Variants in HEATR4 observed in about 807,000 individuals in gnomAD.
The protein encoded by HEATR4 is HEAT repeat containing 4.
A neutral mutation model predicts 108.8 loss-of-function variants in HEATR4; 95 were observed. The ratio of observed to expected loss-of-function variants is 0.87; its 90% CI spans 0.74 to 1.04. The LOEUF is 1.04. Among genes scored for constraint, HEATR4 ranks in the 50% least tolerant of loss-of-function variants. The probability of loss-of-function intolerance (pLI) is 0.00; values close to 1 mark genes in which losing one functional copy is unlikely to be tolerated. For missense variants in HEATR4, 1,152 were observed against 1,253.8 expected (o/e 0.92, Z 1.23); for synonymous variants, 443 against 459.4 (o/e 0.96, Z 0.46).
chr14:73,514,092 C>G lies in HEATR4; in HGVS notation c.1353G>C (p.Val451=), dbSNP rs1887439062. The change falls in exon 6 of 18, where the codon GTG becomes GTC. Residue 451 remains valine (V), a synonymous_variant. Transcript: ENST00000553558. ...KKQAKSLQED[V]TWELVVLRRM... is the part of the protein sequence containing the mutation. ...TCCGCAGGACCACCAGTTCCCAGGT[C>G]ACATCCTCCTGCAGTGATTTTGCCT... 3 of 1,614,100 alleles carry G rather than the reference C, an allele frequency of 1.9e-6. No homozygotes were observed. The highest frequency in any genetic ancestry group is 2.5e-6 in the Non-Finnish European group (3 of 1,180,056).
intron 17 of HEATR4, among the ~76,000 whole-genome samples, chr14:73,486,880 A>C (rs1473419410): frequency 6.6e-6 from 1 of 152,174 alleles, no homozygotes; most frequent in African/African-American, 2.4e-5. Context: ...GCTTTAAATC[A>C]TACTATGTAC....
rs1341198982 is a variant in HEATR4 at position 73,509,810 on chromosome 14, CCATATATATATATATATA to C, written c.1559-355_1559-338del. On this transcript the variant is annotated intron_variant, in intron 7 of 17. Transcript: ENST00000553558. The stretch of plus-strand genomic sequence containing the variant: ...AAAGCAACCAATTTGCCCCATGAGC[CCATATATATATATATATA>C]TATATATATATATATATATATATAT... Among the ~76,000 whole-genome samples the C allele has an allele frequency of 7.7e-3, 487 of 63,182 alleles. 65 individuals are homozygous for C. Among genetic ancestry groups the C allele is most frequent in the African/African-American group, 0.019 (328 of 17,678 alleles). 41.4% of individuals were successfully genotyped at this position (63,182 alleles called of 152,430 possible). A position where few individuals can be genotyped will look rare whatever the true frequency, so the allele number is the denominator to read the frequency against.
chr14:73,591,219 C>T, the HEATR4 span, among the ~76,000 whole-genome samples: 2 of 149,116 alleles, frequency 1.3e-5, no homozygotes, highest in Non-Finnish European at 3.0e-5. Context: ...CGCCTTGCAG[C>T]CTGGATGACA....
the HEATR4 span, among the ~76,000 whole-genome samples, chr14:73,609,184 A>G: frequency 1.3e-5 from 2 of 152,250 alleles, no homozygotes; most frequent in Non-Finnish European, 2.9e-5. Context: ...TATGCCATCA[A>G]TGAGAATTGG....
the HEATR4 span, among the ~76,000 whole-genome samples, chr14:73,579,292 A>C: frequency 1.5e-4 from 14 of 95,742 alleles, no homozygotes; most frequent in African/African-American, 5.3e-4. Context: ...AAAAAAAAAA[A>C]AACGCTGGGT....
At chr14:73,586,796 CA>C in the HEATR4 span, among the ~76,000 whole-genome samples, 1 of 151,948 alleles carries the variant, frequency 6.6e-6, no homozygotes, top group African/African-American at 2.4e-5. Flanking sequence ...ACTGCAGCCT[CA>C]AATTTCTGGG....
rs1196755578 is a variant in HEATR4, at chr14:73,551,937, G to T, written c.-152+6814C>A. 2.0e-4 allele frequency among the ~76,000 whole-genome samples: 23 copies of T among 112,380 alleles called. 3 individuals carry two copies. The highest frequency in any genetic ancestry group is 3.9e-4 in the Non-Finnish European group (20 of 51,686). 73.7% of individuals were successfully genotyped at this position (112,380 alleles called of 152,430 possible). A position where few individuals can be genotyped will look rare whatever the true frequency, so the allele number is the denominator to read the frequency against. On this transcript the variant is annotated intron_variant, in intron 1 of 17. Transcript: ENST00000553558. The stretch of plus-strand genomic sequence containing the variant: ...ACACACACTGTGCATGCTCACTTCC[G>T]AAAGGTAAAGAGAGCACAGAGCATG...
chr14:73,592,508 G>A, the HEATR4 span: 1 of 1,371,628 alleles, frequency 7.3e-7, no homozygotes, highest in Non-Finnish European at 9.6e-7. Context: ...TGGTTTTGGA[G>A]CAAGATCAGA....
At chr14:73,619,954 T>G in the HEATR4 span, 1 of 1,196,714 alleles carries the variant, frequency 8.4e-7, no homozygotes, top group Admixed American at 3.0e-5. Context: ...CTCTGTCACA[T>G]AGGCTGGAGT....
chr14:73,498,936 C>A, intron 13 of HEATR4, 135 bp downstream of exon 13: 2 of 748,226 alleles, frequency 2.7e-6, no homozygotes, highest in Non-Finnish European at 4.6e-6. Context: ...TCTTTTCAGA[C>A]AAGGAACTTC....
chr14:73,587,895 A>T, the HEATR4 span, among the ~76,000 whole-genome samples: 1 of 152,232 alleles, frequency 6.6e-6, no homozygotes, highest in Non-Finnish European at 1.5e-5. Flanking sequence ...AATTGTGTTC[A>T]AATCTAAATA....
chr14:73,631,621 C>T, the HEATR4 span: 4,135 of 163,020 alleles, frequency 0.025, 201 homozygotes, highest in African/African-American at 0.095. Context: ...AAGAACGGGT[C>T]GCTGCCACCA....
At chr14:73,513,728 CAAAAAAAAAAAAAAAA>C (rs747778891) in intron 6 of HEATR4, among the ~76,000 whole-genome samples, 491 of 46,794 alleles carry the variant, frequency 0.01, 12 homozygotes, top group Middle Eastern at 0.045. Flanking sequence ...ACTACGTCTC[CAAAAAAAAAAAAAAAA>C]AAAAAAAAAA....
At chr14:73,569,712 C>A in the HEATR4 span, 5 of 1,609,092 alleles carry the variant, frequency 3.1e-6, no homozygotes, top group Non-Finnish European at 3.4e-6. Context: ...GCTGGTGAAG[C>A]GCGACGTGCG....
Position 73,543,036 on chromosome 14 carries a change from T to C in HEATR4, c.-151-12792A>G, listed in dbSNP as rs753177648. ...GGAGCCATTCTTCTTCTTTTTCCTT[T>C]GTCCCTTTCTCAGGTAAAAGGTCCA... On this transcript the variant is annotated intron_variant, in intron 1 of 17. Coordinates refer to ENST00000553558, the MANE Select transcript of HEATR4 (RefSeq NM_001220484.1). 1.6e-6 allele frequency: 2 copies of C among 1,281,948 alleles called. 1 individual carries two copies. The highest frequency in any genetic ancestry group is 3.2e-5 in the African/African-American group (2 of 62,242). The allele number at this position is 1,281,948 out of a possible 1,614,324, so 79.4% of individuals were successfully genotyped here.
intron 9 of HEATR4, among the ~76,000 whole-genome samples, chr14:73,506,802 C>CTTTTTTTTTTTTTTT (rs1470976246): frequency 6.9e-5 from 4 of 58,026 alleles, no homozygotes; most frequent in Admixed American, 2.1e-4. Flanking sequence ...CTGACTTTAA[C>CTTTTTTTTTTTTTTT]TGTTTTTTTT....
At chr14:73,565,571 G>A in the HEATR4 span, among the ~76,000 whole-genome samples, 380 of 152,022 alleles carry the variant, frequency 2.5e-3, 3 homozygotes, top group Admixed American at 4.5e-3. Context: ...TCCAGAGTTC[G>A]TTCCTTCTGA....
chr14:73,613,068 C>A, the HEATR4 span: 3 of 584,582 alleles, frequency 5.1e-6, no homozygotes, highest in South Asian at 2.5e-5. Context: ...CTCTGCGACC[C>A]CCACCGGCCC....
chr14:73,620,022 C>T, the HEATR4 span: 12 of 615,022 alleles, frequency 2.0e-5, no homozygotes, highest in South Asian at 4.9e-5. Context: ...AGCTGTTCTC[C>T]GACCTCAGAC....
Sources: gnomAD v4.1 joint callset for allele counts (sites outside exome capture counted in the v4.1 genomes callset) on GRCh38, gnomAD v4.1.1 for gene constraint, MANE v1.5 for transcripts, NCBI Gene and HGNC (gene_info 2026-07-23, HGNC 2026-07-21) for gene names.